The following CDH17 variants were observed in gnomAD, a reference collection of about 807,000 sequenced individuals.
CDH17 encodes the protein cadherin 17.
A neutral mutation model predicts 86.3 loss-of-function variants in CDH17; 67 were observed. The observed-to-expected ratio is 0.78, with a 90% CI of 0.64 to 0.95. CDH17 has a LOEUF of 0.95. Ranked by LOEUF, CDH17 falls within the 40% of genes least tolerant of loss-of-function variation. CDH17 has a pLI of 0.00. For missense variants in CDH17, 993 were observed against 1,017.6 expected (o/e 0.98, Z 0.33); for synonymous variants, 367 against 366.4 (o/e 1.00, Z -0.02).
chr8:94,189,524 C>T (rs1208404175), intron 2 of CDH17, among the ~76,000 whole-genome samples: 2 of 152,318 alleles, frequency 1.3e-5, no homozygotes, highest in East Asian at 1.9e-4. Flanking sequence ...AGAAGAATCA[C>T]TCTATGAGAA....
At chr8:94,165,525 C>G (rs768578930) in intron 10 of CDH17, among the ~76,000 whole-genome samples, 42 of 152,180 alleles carry the variant, frequency 2.8e-4, no homozygotes, top group Non-Finnish European at 4.9e-4. Flanking sequence ...ATTTAATCTC[C>G]TTTTGGCATC....
upstream of CDH17, among the ~76,000 whole-genome samples, chr8:94,212,291 G>A (rs897537585): frequency 6.6e-6 from 1 of 152,166 alleles, no homozygotes; most frequent in Non-Finnish European, 1.5e-5. Flanking sequence ...AAGTAGCTGG[G>A]ACTACAGGCA....
chr8:94,189,753 T>C (rs1220181128), intron 2 of CDH17, among the ~76,000 whole-genome samples: 2 of 152,218 alleles, frequency 1.3e-5, no homozygotes, highest in Non-Finnish European at 2.9e-5. Flanking sequence ...GTTTTGAATT[T>C]ATAAGGGGGA....
intron 1 of CDH17, among the ~76,000 whole-genome samples, chr8:94,199,079 ATATATTTT>A (rs1313240842): frequency 0.011 from 97 of 8,768 alleles, no homozygotes; most frequent in East Asian, 0.025. Context: ...ATATATATAT[ATATATTTT>A]TTTTTTTTTA....
intron 5 of CDH17, among the ~76,000 whole-genome samples, chr8:94,174,554 G>A (rs770581006): frequency 2.0e-5 from 3 of 152,146 alleles, no homozygotes; most frequent in Non-Finnish European, 2.9e-5. Context: ...TTAATGAATT[G>A]TAGTGTAAAA....
In CDH17 at chr8:94,167,799, C is replaced by A. The variant is rs578223889; in HGVS notation, c.1067-1823G>T. On this transcript the variant is annotated intron_variant, in intron 9 of 17. Transcript: ENST00000027335. ...TGAGGACTGCTGGCATCAGAGGACA[C>A]CCCTCGCTGGGAGCAGAGGACCTTG... is the stretch of plus-strand genomic sequence containing the variant. 7.2e-5 allele frequency among the ~76,000 whole-genome samples: 11 copies of A among 152,108 alleles called. No individual in the cohort carries two copies. In the East Asian group the frequency reaches 9.8e-4, roughly 13 times the overall value.
chr8:94,148,291 C>T (rs553220236), intron 14 of CDH17, among the ~76,000 whole-genome samples: 2 of 152,118 alleles, frequency 1.3e-5, no homozygotes, highest in African/African-American at 4.8e-5. Flanking sequence ...CCTGTAATCC[C>T]AGCACTTTGG....
rs142291438 is a variant in CDH17 at position 94,200,849 on chromosome 8, C to T, written c.-20-6144G>A. Among the ~76,000 whole-genome samples, 688 of 152,178 alleles carry T rather than the reference C, an allele frequency of 4.5e-3. 7 individuals are homozygous for T. Among genetic ancestry groups the T allele is most frequent in the African/African-American group, 0.015 (630 of 41,534 alleles). ...ACTGAAAACAATTTGCTGCATGCACCGATAAGACTTGGTGGTGAAAAACTA... is the reference window on the plus strand; with the variant it reads ...ACTGAAAACAATTTGCTGCATGCACTGATAAGACTTGGTGGTGAAAAACTA... On this transcript the variant is annotated intron_variant, in intron 1 of 17. Transcript: ENST00000027335.
At position 94,208,470 on chromosome 8, in the gene CDH17, T is replaced by G. The variant is rs1814071273; in HGVS notation, c.-21+13A>C. The G allele has an allele frequency of 6.6e-6, 1 of 152,214 alleles. No individual in the cohort carries two copies. The highest frequency in any genetic ancestry group is 1.5e-5 in the Non-Finnish European group (1 of 68,028). The allele number at this position is 152,214 out of a possible 1,614,324, so 9.4% of individuals were successfully genotyped here. A position where few individuals can be genotyped will look rare whatever the true frequency, so the allele number is the denominator to read the frequency against. On this transcript the variant is annotated intron_variant, in intron 1 of 17. Transcript: ENST00000027335. The stretch of plus-strand genomic sequence containing the variant: ...ATACGTTACTGACACAGTTAAGACA[T>G]GTCAGCCCTTACCTTTCTGTAAGTC...
chr8:94,162,614 T>C (rs1813077148), intron 10 of CDH17, among the ~76,000 whole-genome samples: 1 of 152,202 alleles, frequency 6.6e-6, no homozygotes, highest in Admixed American at 6.5e-5. Flanking sequence ...CTCTGACTAC[T>C]ATGATGGTGA....
At chr8:94,154,808 T>C (rs1812916093) in intron 12 of CDH17, among the ~76,000 whole-genome samples, 1 of 152,204 alleles carries the variant, frequency 6.6e-6, no homozygotes, top group Admixed American at 6.5e-5. Context: ...CTGCATCATA[T>C]TCATCTTTGC....
chr8:94,170,373 C>A (rs1409056826), intron 9 of CDH17, 24 bp downstream of exon 9: 1 of 1,611,590 alleles, frequency 6.2e-7, no homozygotes. Context: ...AGTTACACAG[C>A]ATTAGGCAGC....
chr8:94,216,322 TC>T (rs1435531864), intron 1 of CDH17, among the ~76,000 whole-genome samples: 1 of 152,088 alleles, frequency 6.6e-6, no homozygotes, highest in Non-Finnish European at 1.5e-5. Context: ...CCTTGGGTGG[TC>T]CACAGGAGCA....
At chr8:94,192,060 A>G (rs768174345) in intron 2 of CDH17, among the ~76,000 whole-genome samples, 12 of 152,208 alleles carry the variant, frequency 7.9e-5, no homozygotes, top group Non-Finnish European at 1.0e-4. Flanking sequence ...CATTAGCCAC[A>G]CACAAACAAG....
At chr8:94,160,977 A>G (rs796563283) in intron 11 of CDH17, among the ~76,000 whole-genome samples, 4 of 152,248 alleles carry the variant, frequency 2.6e-5, no homozygotes, top group African/African-American at 9.6e-5. Flanking sequence ...CTCCCACTCC[A>G]CTGAAAATCC....
chr8:94,132,588 T>G (rs1050732779), intron 15 of CDH17, among the ~76,000 whole-genome samples: 1 of 152,238 alleles, frequency 6.6e-6, no homozygotes, highest in African/African-American at 2.4e-5. Context: ...ATGGGTAGAT[T>G]GCAGAAATGT....
At chr8:94,132,985 GGT>G (rs1812449574) in intron 15 of CDH17, among the ~76,000 whole-genome samples, 1 of 152,066 alleles carries the variant, frequency 6.6e-6, no homozygotes, top group African/African-American at 2.4e-5. Context: ...GTACATGTGT[GGT>G]GTTATTTCTG....
At chr8:94,162,412 C>G (rs1813072828) in intron 10 of CDH17, among the ~76,000 whole-genome samples, 1 of 152,196 alleles carries the variant, frequency 6.6e-6, no homozygotes, top group Non-Finnish European at 1.5e-5. Flanking sequence ...CGTCCACCTG[C>G]TGTCCTCCTA....
chr8:94,145,930 T>C lies in CDH17; in HGVS notation c.2165A>G (p.Asn722Ser). ...TCCATGTATTTCTGACAACTCACCATTGATTTTGGAAACTTCCCAGTCGTT... is the reference window on the plus strand; with the variant it reads ...TCCATGTATTTCTGACAACTCACCACTGATTTTGGAAACTTCCCAGTCGTT... The part of the protein sequence containing the change: ...LQNDWEVSKI[N>S]GTHARLSTRH... Residue 722 changes from asparagine (N) to serine (S), a missense_variant and splice_region_variant, in exon 15 of 18, where the codon AAT (asparagine) becomes AGT (serine). Coordinates refer to ENST00000027335, the MANE Select transcript of CDH17 (RefSeq NM_004063.4). The C allele has an allele frequency of 6.2e-7, 1 of 1,611,208 alleles. No individual in the cohort carries two copies. Among genetic ancestry groups the C allele is most frequent in the African/African-American group, 1.3e-5 (1 of 74,766 alleles).
Sources: allele counts gnomAD v4.1 joint callset (sites outside exome capture counted in the v4.1 genomes callset), GRCh38; gene constraint gnomAD v4.1.1; transcripts MANE v1.5; gene names NCBI Gene and HGNC (gene_info 2026-07-23, HGNC 2026-07-21).